Variants in PPP1R12B observed in about 807,000 individuals in gnomAD.
PPP1R12B encodes the protein myosin phosphatase target subunit 2.
In PPP1R12B, 76 loss-of-function variants were observed where a neutral mutation model predicts 126.1. The ratio of observed to expected loss-of-function variants is 0.60; its 90% CI spans 0.50 to 0.73. The LOEUF (loss-of-function observed/expected upper bound fraction) is 0.73, where lower values mean the gene tolerates loss of function less well. PPP1R12B is among the 30% of genes least tolerant of loss of function. PPP1R12B has a pLI of 0.00. For missense variants in PPP1R12B, 1,052 were observed against 1,205.1 expected, an observed-to-expected ratio of 0.87 and a Z score of 1.88; for synonymous variants, 356 against 434.7, an observed-to-expected ratio of 0.82 and a Z score of 2.25.
intron 1 of PPP1R12B, among the ~76,000 whole-genome samples, chr1:202,360,650 A>T (rs962893914): frequency 1.3e-5 from 2 of 151,810 alleles, no homozygotes; most frequent in Non-Finnish European, 2.9e-5. Flanking sequence ...TAGAGGTTGC[A>T]GTGAGCCGAG....
intron 2 of PPP1R12B, among the ~76,000 whole-genome samples, chr1:202,422,159 AG>A (rs1279720071): frequency 6.6e-6 from 1 of 152,258 alleles, no homozygotes; most frequent in African/African-American, 2.4e-5. Flanking sequence ...CTTACAGCAC[AG>A]GAAGATTTCA....
chr1:202,462,149 A>G (rs1674390561), intron 13 of PPP1R12B, among the ~76,000 whole-genome samples: 1 of 152,158 alleles, frequency 6.6e-6, no homozygotes, highest in South Asian at 2.1e-4. Flanking sequence ...TAAATGGTAC[A>G]CCTAATGGGC....
At chr1:202,519,730 CT>C in intron 18 of PPP1R12B, among the ~76,000 whole-genome samples, 1 of 152,306 alleles carries the variant, frequency 6.6e-6, no homozygotes, top group African/African-American at 2.4e-5. Flanking sequence ...TATCCTGTAA[CT>C]TTGCTGCATG....
At chr1:202,523,784 G>A (rs1240881958) in intron 18 of PPP1R12B, among the ~76,000 whole-genome samples, 1 of 151,954 alleles carries the variant, frequency 6.6e-6, no homozygotes, top group African/African-American at 2.4e-5. Context: ...GCGCCATCTC[G>A]GCTCACTGCA....
intron 13 of PPP1R12B, among the ~76,000 whole-genome samples, chr1:202,475,282 T>C (rs1176614490): frequency 6.6e-6 from 1 of 152,214 alleles, no homozygotes; most frequent in African/African-American, 2.4e-5. Context: ...GAAGAATTTA[T>C]CCCTAATATT....
intron 3 of PPP1R12B, among the ~76,000 whole-genome samples, chr1:202,423,798 C>T (rs558654017): frequency 3.3e-5 from 5 of 152,184 alleles, no homozygotes; most frequent in East Asian, 3.9e-4. Context: ...ATTGTCCTGC[C>T]GCAGCCTCCT....
At chr1:202,350,201 C>A (rs1212067961) in intron 1 of PPP1R12B, among the ~76,000 whole-genome samples, 1 of 152,158 alleles carries the variant, frequency 6.6e-6, no homozygotes, top group Non-Finnish European at 1.5e-5. Context: ...TGCAACCCTT[C>A]TATTTCAGGT....
chr1:202,425,168 A>C (rs1669343139), intron 3 of PPP1R12B, among the ~76,000 whole-genome samples: 1 of 152,188 alleles, frequency 6.6e-6, no homozygotes, highest in African/African-American at 2.4e-5. Context: ...TCATCTGTTA[A>C]ATGAAGATTG....
chr1:202,519,260 AT>A (rs890966049), intron 18 of PPP1R12B, among the ~76,000 whole-genome samples: 32 of 150,750 alleles, frequency 2.1e-4, no homozygotes, highest in African/African-American at 6.1e-4. Flanking sequence ...CAATTAAAAA[AT>A]TTTTTTTTTT....
At chr1:202,376,898 C>T (rs1571684260) in intron 1 of PPP1R12B, among the ~76,000 whole-genome samples, 2 of 152,272 alleles carry the variant, frequency 1.3e-5, no homozygotes, top group South Asian at 2.1e-4. Context: ...AGGCCACGTG[C>T]GGCCCAGGAC....
chr1:202,564,510 T>C lies in PPP1R12B; in HGVS notation c.2720T>C (p.Leu907Pro), dbSNP rs1687868308. 6.2e-7 allele frequency: 1 copy of C among 1,612,616 alleles called. No individual in the cohort carries two copies. Among genetic ancestry groups the C allele is most frequent in the East Asian group, 2.2e-5 (1 of 44,864 alleles). ...AAACTTCAGGAAGCCCAGCTAGAGCTAGCAGATATAAAGTCCAAGCTTGAG... is the reference window on the plus strand; with the variant it reads ...AAACTTCAGGAAGCCCAGCTAGAGCCAGCAGATATAAAGTCCAAGCTTGAG... ...KTKLQEAQLE[L>P]ADIKSKLEKV... Residue 907 changes from leucine (L) to proline (P), a missense_variant, in exon 21 of 24, where the codon CTA becomes CCA. Coordinates refer to ENST00000608999, the MANE Select transcript of PPP1R12B (RefSeq NM_002481.4).
In PPP1R12B at chr1:202,446,256, A is replaced by ATATTTTTTTT. The variant is rs376183502; in HGVS notation, c.1668-2732_1668-2731insATTTTTTTTT. ...TCTCTCTATATATATATATATATAT[A>ATATTTTTTTT]TTTTTTTTTTTTTTTGAGATGGAAT... On this transcript the variant is annotated intron_variant, in intron 12 of 23. Coordinates refer to ENST00000608999, the MANE Select transcript of PPP1R12B (RefSeq NM_002481.4). Among the ~76,000 whole-genome samples, 10 of 54,340 alleles carry ATATTTTTTTT rather than the reference A, an allele frequency of 1.8e-4. No homozygotes were observed. The East Asian group carries it at 2.4e-3, about 13-fold the overall frequency. 35.6% of individuals were successfully genotyped at this position (54,340 alleles called of 152,430 possible).
At position 202,440,725 on chromosome 1, in the gene PPP1R12B, A is replaced by G; in HGVS notation, c.1478A>G (p.Tyr493Cys). ...TTACAGGAGAGAGAAAACAAAAGCT[A>G]TATTAGTTCACTAGCACCCCGGAAG... ...NKDKERENKS[Y>C]ISSLAPRKLN... is the part of the protein sequence containing the mutation. The change falls in exon 11 of 24, where the codon TAT becomes TGT. Residue 493 changes from tyrosine to cysteine, a missense_variant. By Grantham distance (194) the Tyr-to-Cys change is radical. Transcript: ENST00000608999. 2 of 1,613,608 alleles carry G rather than the reference A, an allele frequency of 1.2e-6. No homozygotes were observed. Among genetic ancestry groups the G allele is most frequent in the Non-Finnish European group, 8.5e-7 (1 of 1,179,526 alleles).
chr1:202,491,891 A>G (rs1015354763), intron 14 of PPP1R12B, among the ~76,000 whole-genome samples: 2 of 152,232 alleles, frequency 1.3e-5, no homozygotes, highest in South Asian at 2.1e-4. Context: ...GCTTCTTAGC[A>G]TAGCTTACAA....
intron 5 of PPP1R12B, chr1:202,428,599 G>C (rs537529883): frequency 2.4e-6 from 1 of 413,728 alleles, no homozygotes; most frequent in South Asian, 3.3e-5. Flanking sequence ...TTTGCCAGGT[G>C]GCAGTAAGGA....
intron 18 of PPP1R12B, among the ~76,000 whole-genome samples, chr1:202,510,507 G>A (rs573823105): frequency 6.6e-6 from 1 of 152,264 alleles, no homozygotes; most frequent in East Asian, 1.9e-4. Flanking sequence ...AACATCCCAG[G>A]TAGGCCAATC....
chr1:202,469,780 A>G (rs1361824560), intron 13 of PPP1R12B, among the ~76,000 whole-genome samples: 1 of 152,200 alleles, frequency 6.6e-6, no homozygotes, highest in African/African-American at 2.4e-5. Context: ...GACTTATTTT[A>G]GAGGCTTTCT....
At chr1:202,373,767 T>G (rs1660694899) in intron 1 of PPP1R12B, among the ~76,000 whole-genome samples, 1 of 152,088 alleles carries the variant, frequency 6.6e-6, no homozygotes, top group Admixed American at 6.5e-5. Flanking sequence ...ATTTCTAGTT[T>G]ATGAAGGTTT....
intron 12 of PPP1R12B, among the ~76,000 whole-genome samples, chr1:202,447,045 G>A (rs1276890754): frequency 2.0e-5 from 3 of 152,206 alleles, no homozygotes; most frequent in African/African-American, 4.8e-5. Flanking sequence ...CTAGTTGTCT[G>A]CATATGTCTC....
Sources: allele counts gnomAD v4.1 joint callset (sites outside exome capture counted in the v4.1 genomes callset), GRCh38; gene constraint gnomAD v4.1.1; transcripts MANE v1.5; gene names NCBI Gene and HGNC (gene_info 2026-07-23, HGNC 2026-07-21).